ARHGEF2: variants seen among roughly 807,000 people sequenced by gnomAD.
ARHGEF2 encodes the protein rho guanine nucleotide exchange factor 2.
Under a neutral mutation model 121.0 loss-of-function variants are expected in ARHGEF2, and 22 were observed. The ratio of observed to expected loss-of-function variants is 0.18; its 90% CI spans 0.13 to 0.26. The LOEUF (loss-of-function observed/expected upper bound fraction) is 0.26, where lower values mean the gene tolerates loss of function less well. ARHGEF2 is among the 10% of genes least tolerant of loss of function. The probability of loss-of-function intolerance (pLI) is 1.00; values close to 1 mark genes in which losing one functional copy is unlikely to be tolerated. For synonymous variants in ARHGEF2, 487 were observed against 530.0 expected (o/e 0.92, Z 1.11); for missense variants, 907 against 1,336.0 (o/e 0.68, Z 5.01).
At chr1:155,952,898 C>T in intron 14 of ARHGEF2, 70 bp from the exon 15 acceptor site, 1 of 1,478,774 alleles carries the variant, frequency 6.8e-7, no homozygotes, top group Non-Finnish European at 9.4e-7. Context: ...AGAGGACAGC[C>T]CTAGGGGAGA....
chr1:155,971,955 A>C (rs1309364012), intron 1 of ARHGEF2, among the ~76,000 whole-genome samples: 1 of 151,876 alleles, frequency 6.6e-6, no homozygotes, highest in African/African-American at 2.4e-5. Context: ...AATAGTATTA[A>C]AAAAAACAAC....
chr1:155,963,309 A>G, intron 7 of ARHGEF2, 126 bp from the exon 8 acceptor site: 1 of 725,390 alleles, frequency 1.4e-6, no homozygotes, highest in Non-Finnish European at 2.2e-6. Context: ...ATTCTGCATT[A>G]TTATGATCTT....
In ARHGEF2 at chr1:155,947,856, C is replaced by A; in HGVS notation, c.*86G>T. 1.3e-6 allele frequency: 1 copy of A among 750,894 alleles called. No homozygotes were observed. 46.5% of individuals were successfully genotyped at this position (750,894 alleles called of 1,614,324 possible). On this transcript the variant is annotated 3_prime_UTR_variant, in exon 22 of 22. Transcript: ENST00000361247. ...AATTTGCAGTTCTTTCAAATGTTCC[C>A]TCATCATTGGCAAATTGGAGTCCCC...
Position 155,966,488 on chromosome 1 carries a change from CAG to C in ARHGEF2, c.277-11_277-10del, listed in dbSNP as rs745607260. The C allele has an allele frequency of 1.2e-5, 19 of 1,613,994 alleles. No homozygotes were observed. The African/African-American group carries it at 2.4e-4, about 20-fold the overall frequency. ...AGGGCCGCTTTCTGTTGCTGTGAGACAGAGAGCAGGAGAGAGATACCAAGAAT... is the reference window on the plus strand; with the variant it reads ...AGGGCCGCTTTCTGTTGCTGTGAGACAGAGCAGGAGAGAGATACCAAGAAT... On this transcript the variant is annotated splice_polypyrimidine_tract_variant and intron_variant, in intron 3 of 21. Coordinates refer to ENST00000361247, the MANE Select transcript of ARHGEF2 (RefSeq NM_001162383.2).
At position 155,965,767 on chromosome 1, in the gene ARHGEF2, G is replaced by T; in HGVS notation, c.341-7C>A. 1 of 1,587,916 alleles carries T rather than the reference G, an allele frequency of 6.3e-7. No homozygotes were observed. ...GGCCGCTCCCGGATGGTTGCTGTGGGGGAGAGATGCCCAGCAGGCAAACAT... is the reference window on the plus strand; with the variant it reads ...GGCCGCTCCCGGATGGTTGCTGTGGTGGAGAGATGCCCAGCAGGCAAACAT... On this transcript the variant is annotated splice_region_variant and splice_polypyrimidine_tract_variant and intron_variant, in intron 4 of 21. Coordinates refer to ENST00000361247, the MANE Select transcript of ARHGEF2 (RefSeq NM_001162383.2). This position sits in a 1 kb window ranked among gnomAD's most constrained non-coding sequence, Gnocchi z 6.0.
intron 2 of ARHGEF2, 108 bp downstream of exon 2, chr1:155,969,048 G>A: frequency 2.1e-6 from 3 of 1,417,160 alleles, no homozygotes; most frequent in Admixed American, 1.9e-5. Flanking sequence ...CCCAGCTGGG[G>A]ATCAGAGAGA....
In ARHGEF2 at chr1:155,957,001, C is replaced by T. The variant is rs561325600; in HGVS notation, c.1715+712G>A. Among the ~76,000 whole-genome samples, 109 of 148,382 alleles carry T rather than the reference C, an allele frequency of 7.3e-4. 1 individual carries two copies. Among genetic ancestry groups the T allele is most frequent in the African/African-American group, 2.6e-3 (104 of 40,130 alleles). On this transcript the variant is annotated intron_variant, in intron 13 of 21. Coordinates refer to ENST00000361247, the MANE Select transcript of ARHGEF2 (RefSeq NM_001162383.2). ...GCTTGAATCCAGGAGGTGGAGGTTG[C>T]AGTGAGCTGAGAGCGAGACTCTGTC...
At position 155,954,860 on chromosome 1, in the gene ARHGEF2, T is replaced by A. The variant is rs537350221; in HGVS notation, c.1783+42A>T. Reference sequence around the variant, plus strand: ...GTTGCATAATATTCCATTGTGTGAATGTATTATAAATTACTAAGGAGCTCC... The same window carrying A: ...GTTGCATAATATTCCATTGTGTGAAAGTATTATAAATTACTAAGGAGCTCC... On this transcript the variant is annotated intron_variant, in intron 14 of 21. Transcript: ENST00000361247. The A allele has an allele frequency of 1.5e-5, 24 of 1,555,742 alleles. No individual in the cohort carries two copies. In the South Asian group the frequency reaches 2.5e-4, roughly 16 times the overall value.
At position 155,947,909 on chromosome 1, in the gene ARHGEF2, C is replaced by A; in HGVS notation, c.*33G>T. The stretch of plus-strand genomic sequence containing the variant: ...GGTTAGCCCCCTCAGTAATGTTCTT[C>A]AGTGGGGCACGGGGCAGGGGGGAGG... On this transcript the variant is annotated 3_prime_UTR_variant, in exon 22 of 22. Transcript: ENST00000361247. 2 of 1,409,964 alleles carry A rather than the reference C, an allele frequency of 1.4e-6. No individual in the cohort carries two copies. The highest frequency in any genetic ancestry group is 2.5e-5 in the East Asian group (1 of 40,176). 87.3% of individuals were successfully genotyped at this position (1,409,964 alleles called of 1,614,324 possible).
At chr1:155,979,242 G>A (rs1681893578), upstream of ARHGEF2, 1 of 985,406 alleles carries the variant, frequency 1.0e-6, no homozygotes, top group Non-Finnish European at 1.2e-6. Context: ...GCTACTTTGG[G>A]GGACTAGGTT....
chr1:155,952,697 C>T lies in ARHGEF2; in HGVS notation c.1915G>A (p.Gly639Ser), dbSNP rs1452545241. The change falls in exon 15 of 22, where the codon GGC becomes AGC. Residue 639 changes from glycine (G) to serine (S), a missense_variant. Coordinates refer to ENST00000361247, the MANE Select transcript of ARHGEF2 (RefSeq NM_001162383.2). ...SGMALPTLPRGLFRSESLESP... is the reference protein window; with the variant it reads ...SGMALPTLPRSLFRSESLESP... ...TCAAGGGACTCAGAGCGGAAAAGGC[C>T]CCTGGGCAGGGTGGGCAGGGCCATC... 8 of 1,614,184 alleles carry T rather than the reference C, an allele frequency of 5.0e-6. No individual in the cohort carries two copies. Among genetic ancestry groups the T allele is most frequent in the South Asian group, 1.1e-5 (1 of 91,086 alleles).
At chr1:155,949,065 T>A (rs1674860827) in intron 21 of ARHGEF2, among the ~76,000 whole-genome samples, 1 of 151,326 alleles carries the variant, frequency 6.6e-6, no homozygotes, top group Non-Finnish European at 1.5e-5. Flanking sequence ...CTGGCCAACA[T>A]GGTGAAACCC....
At position 155,977,634 on chromosome 1, in the gene ARHGEF2, T is replaced by C. The variant is rs543429602; in HGVS notation, c.63+731A>G. 2.0e-5 allele frequency among the ~76,000 whole-genome samples: 3 copies of C among 152,160 alleles called. No individual in the cohort carries two copies. In the South Asian group the frequency reaches 6.2e-4, roughly 32 times the overall value. On this transcript the variant is annotated intron_variant, in intron 1 of 21. Coordinates refer to ENST00000361247, the MANE Select transcript of ARHGEF2 (RefSeq NM_001162383.2). ...GCGGGGCAGATAGGGATGGAGGCCC[T>C]ATGTTCCAGGCAGAAGGGCTCAGGA...
At chr1:155,953,193 A>C (rs1675870165) in intron 14 of ARHGEF2, among the ~76,000 whole-genome samples, 2 of 144,772 alleles carry the variant, frequency 1.4e-5, no homozygotes, top group South Asian at 4.4e-4. Context: ...TGAACCCAGG[A>C]GGCAGAGGTT....
chr1:155,962,836 G>C lies in ARHGEF2; in HGVS notation c.975+97C>G. 6.3e-7 allele frequency: 1 copy of C among 1,597,262 alleles called. No individual in the cohort carries two copies. Among genetic ancestry groups the C allele is most frequent in the South Asian group, 1.1e-5 (1 of 88,320 alleles). On this transcript the variant is annotated intron_variant, in intron 8 of 21. Coordinates refer to ENST00000361247, the MANE Select transcript of ARHGEF2 (RefSeq NM_001162383.2). This position sits in a 1 kb window ranked among gnomAD's most constrained non-coding sequence, Gnocchi z 5.8. ...GCTTCCTGTTTCTCCAGCTCTCCCT[G>C]GCTCCCCTCCAACCCCTAGAATTTG... is the stretch of plus-strand genomic sequence containing the variant.
rs201229947 is a variant in ARHGEF2 at position 155,969,297 on chromosome 1, G to A, written c.67C>T (p.Arg23Trp). 8 of 1,614,056 alleles carry A rather than the reference G, an allele frequency of 5.0e-6. No homozygotes were observed. Among genetic ancestry groups the A allele is most frequent in the Admixed American group, 1.7e-5 (1 of 60,016 alleles). Residue 23 changes from arginine (R) to tryptophan (W), a missense_variant, in exon 2 of 22, where the codon CGG (arginine) becomes TGG (tryptophan). Transcript: ENST00000361247. ...DRSRELASKTREKEKMKEAKD... is the reference protein window; with the variant it reads ...DRSRELASKTWEKEKMKEAKD... Reference sequence around the variant, plus strand: ...GCTTCCTTCATCTTCTCCTTTTCCCGGGTCTGTGGAAGGGATGAGAGGGAG... The same window carrying A: ...GCTTCCTTCATCTTCTCCTTTTCCCAGGTCTGTGGAAGGGATGAGAGGGAG...
chr1:155,975,527 G>T (rs941088471), intron 1 of ARHGEF2, among the ~76,000 whole-genome samples: 1 of 151,100 alleles, frequency 6.6e-6, no homozygotes, highest in African/African-American at 2.4e-5. Flanking sequence ...TAGAATTTTT[G>T]TCTATGTCCC....
chr1:155,973,242 C>T (rs1490950514), intron 1 of ARHGEF2, among the ~76,000 whole-genome samples: 1 of 152,198 alleles, frequency 6.6e-6, no homozygotes, highest in East Asian at 1.9e-4. Flanking sequence ...ACCCTGGCCC[C>T]TATTCTGGAA....
chr1:155,978,522 G>A lies in ARHGEF2; in HGVS notation c.-95C>T. 1 of 1,297,268 alleles carries A rather than the reference G, an allele frequency of 7.7e-7. No individual in the cohort carries two copies. Among genetic ancestry groups the A allele is most frequent in the Non-Finnish European group, 9.9e-7 (1 of 1,012,544 alleles). The allele number at this position is 1,297,268 out of a possible 1,614,324, so 80.4% of individuals were successfully genotyped here. A position where few individuals can be genotyped will look rare whatever the true frequency, so the allele number is the denominator to read the frequency against. ...GGGAGGGGTTCGGCCCGCACGCGTT[G>A]GTCTCGGGGACAGGAAGTCTGACTC... On this transcript the variant is annotated 5_prime_UTR_variant, in exon 1 of 22. Transcript: ENST00000361247. This position sits in a 1 kb window ranked among gnomAD's most constrained non-coding sequence, Gnocchi z 4.1.
Sources: gnomAD v4.1 joint callset for allele counts (sites outside exome capture counted in the v4.1 genomes callset) on GRCh38, gnomAD v4.1.1 for gene constraint, Gnocchi (gnomAD v3.1) non-coding constraint, MANE v1.5 for transcripts, NCBI Gene and HGNC (gene_info 2026-07-23, HGNC 2026-07-21) for gene names.